The following PRTG variants were observed in gnomAD, a reference collection of about 807,000 sequenced individuals.
PRTG encodes the protein protogenin.
A neutral mutation model predicts 122.5 loss-of-function variants in PRTG; 67 were observed. The observed-to-expected ratio is 0.55, with a 90% CI of 0.45 to 0.67. The LOEUF (loss-of-function observed/expected upper bound fraction) is 0.67. PRTG is among the 30% of genes least tolerant of loss of function. The pLI, the probability that PRTG is intolerant of heterozygous loss-of-function variation, is 0.00. For synonymous variants in PRTG, 554 were observed against 501.1 expected, an observed-to-expected ratio of 1.11 and a Z score of -1.41; for missense variants, 1,435 against 1,415.4, an observed-to-expected ratio of 1.01 and a Z score of -0.22.
chr15:55,693,246 C>T (rs2059614350), intron 2 of PRTG, among the ~76,000 whole-genome samples: 1 of 152,086 alleles, frequency 6.6e-6, no homozygotes, highest in Admixed American at 6.5e-5. Flanking sequence ...CACCTGAGAT[C>T]GGGTGGTCGG....
At chr15:55,657,558 G>A (rs2059387198) in intron 11 of PRTG, among the ~76,000 whole-genome samples, 1 of 152,068 alleles carries the variant, frequency 6.6e-6, no homozygotes, top group African/African-American at 2.4e-5. Context: ...GTTCCATAGA[G>A]ATTCTTCAAC....
rs1432314057 is a variant in PRTG at position 55,683,943 on chromosome 15, A to C, written c.398-12T>G. 1 of 1,609,382 alleles carries C rather than the reference A, an allele frequency of 6.2e-7. No homozygotes were observed. The highest frequency in any genetic ancestry group is 1.3e-5 in the African/African-American group (1 of 74,764). On this transcript the variant is annotated splice_polypyrimidine_tract_variant and intron_variant, in intron 2 of 19. Transcript: ENST00000389286. ...AAATGCAGAAATAGCTATAAGATAA[A>C]GTTTGAGAAATTCAGAATAAGTGCA...
chr15:55,697,004 T>C (rs1276690069), intron 2 of PRTG, among the ~76,000 whole-genome samples: 1 of 152,190 alleles, frequency 6.6e-6, no homozygotes, highest in East Asian at 1.9e-4. Flanking sequence ...CTATAGTGCA[T>C]TCATATTTTA....
At chr15:55,682,735 G>C (rs911681463) in intron 3 of PRTG, among the ~76,000 whole-genome samples, 112 of 151,928 alleles carry the variant, frequency 7.4e-4, no homozygotes, top group African/African-American at 2.5e-3. Flanking sequence ...GCTGATTTCT[G>C]TATTTTTAGT....
At chr15:55,644,114 C>G (rs1254491852) in intron 11 of PRTG, among the ~76,000 whole-genome samples, 2 of 152,166 alleles carry the variant, frequency 1.3e-5, no homozygotes, top group African/African-American at 4.8e-5. Context: ...GCTGGGATTA[C>G]AGGTGTGAGC....
intron 2 of PRTG, among the ~76,000 whole-genome samples, chr15:55,717,783 A>G (rs2030653090): frequency 6.6e-6 from 1 of 152,248 alleles, no homozygotes; most frequent in Non-Finnish European, 1.5e-5. Context: ...AGTTAACTTT[A>G]AATTTTTCTT....
At chr15:55,622,216 G>GTTTTTT (rs35973280) in intron 18 of PRTG, among the ~76,000 whole-genome samples, 41 of 113,436 alleles carry the variant, frequency 3.6e-4, no homozygotes, top group African/African-American at 1.0e-3. Context: ...ATTAGTACTT[G>GTTTTTT]TTTTTTTTTT....
At chr15:55,620,501 A>G (rs1196953546) in intron 19 of PRTG, among the ~76,000 whole-genome samples, 162 bp downstream of exon 19, 1 of 151,502 alleles carries the variant, frequency 6.6e-6, no homozygotes, top group African/African-American at 2.4e-5. Flanking sequence ...TTCTGTTATC[A>G]TTCACCTCGC....
chr15:55,683,184 GCTT>G (rs1356375994), intron 3 of PRTG, among the ~76,000 whole-genome samples: 1 of 150,302 alleles, frequency 6.7e-6, no homozygotes, highest in Admixed American at 6.6e-5. Flanking sequence ...ATGTAGATAT[GCTT>G]TTTTTTTTTA....
rs148290604 is a variant in PRTG, at chr15:55,728,108, C to T, written c.397+12274G>A. On this transcript the variant is annotated intron_variant, in intron 2 of 19. Coordinates refer to ENST00000389286, the MANE Select transcript of PRTG (RefSeq NM_173814.6). ...CTCAAACTTCTGAGCTCAGGCAATC[C>T]GCCCACCTCGGCCTCCCAAAGTGCT... is the stretch of plus-strand genomic sequence containing the variant. Among the ~76,000 whole-genome samples the T allele has an allele frequency of 2.8e-3, 422 of 152,170 alleles. 2 individuals are homozygous for T. The highest frequency in any genetic ancestry group is 9.4e-3 in the African/African-American group (392 of 41,526).
At chr15:55,641,367 C>A in intron 11 of PRTG, among the ~76,000 whole-genome samples, 159 bp from the exon 12 acceptor site, 1 of 152,224 alleles carries the variant, frequency 6.6e-6, no homozygotes, top group East Asian at 1.9e-4. Context: ...AATCCACCTT[C>A]GTATGACACT....
intron 11 of PRTG, among the ~76,000 whole-genome samples, chr15:55,666,667 AT>A (rs1175586241): frequency 6.6e-6 from 1 of 152,204 alleles, no homozygotes; most frequent in Non-Finnish European, 1.5e-5. Context: ...TTGAAAAAAT[AT>A]TTTTAAAACA....
chr15:55,669,447 G>C (rs902908026), intron 11 of PRTG, among the ~76,000 whole-genome samples: 3 of 152,206 alleles, frequency 2.0e-5, no homozygotes, highest in African/African-American at 7.2e-5. Flanking sequence ...GCTACTGCCA[G>C]ATGCTCTCAC....
chr15:55,618,661 C>A lies in PRTG; in HGVS notation c.*1351G>T, dbSNP rs988721949. ...GAAGATTAAGTAGATACCATATTCTCTAAAGAATTCAAGAAAACACAAGTA... is the reference window on the plus strand; with the variant it reads ...GAAGATTAAGTAGATACCATATTCTATAAAGAATTCAAGAAAACACAAGTA... On this transcript the variant is annotated 3_prime_UTR_variant, in exon 20 of 20. Transcript: ENST00000389286. The A allele has an allele frequency of 6.6e-6, 1 of 152,080 alleles. No individual in the cohort carries two copies. Among genetic ancestry groups the A allele is most frequent in the African/African-American group, 2.4e-5 (1 of 41,410 alleles). The allele number at this position is 152,080 out of a possible 1,614,324, so 9.4% of individuals were successfully genotyped here. A position where few individuals can be genotyped will look rare whatever the true frequency, so the allele number is the denominator to read the frequency against.
chr15:55,659,789 C>T (rs1158354704), intron 11 of PRTG, among the ~76,000 whole-genome samples: 1 of 151,914 alleles, frequency 6.6e-6, no homozygotes, highest in Non-Finnish European at 1.5e-5. Flanking sequence ...CGTAGTGGTG[C>T]ACGCCTGAAG....
intron 2 of PRTG, among the ~76,000 whole-genome samples, chr15:55,684,923 G>C (rs1595649770): frequency 6.6e-6 from 1 of 152,118 alleles, no homozygotes; most frequent in Non-Finnish European, 1.5e-5. Context: ...CAATCTTGAA[G>C]GGTTGGTATT....
chr15:55,661,306 C>T (rs575844917), intron 11 of PRTG, among the ~76,000 whole-genome samples: 5 of 152,268 alleles, frequency 3.3e-5, no homozygotes, highest in South Asian at 4.2e-4. Flanking sequence ...TAACTGACAT[C>T]GGACCCCCTA....
intron 10 of PRTG, 131 bp downstream of exon 10, chr15:55,673,240 A>G (rs2059482906): frequency 2.8e-6 from 2 of 714,920 alleles, no homozygotes; most frequent in Non-Finnish European, 4.5e-6. Context: ...ATTTTTTTCA[A>G]TTAAGTCCAT....
At chr15:55,633,845 A>C (rs905150935) in intron 15 of PRTG, among the ~76,000 whole-genome samples, 3 of 152,208 alleles carry the variant, frequency 2.0e-5, no homozygotes, top group African/African-American at 7.2e-5. Flanking sequence ...ACAAATGACA[A>C]AAGCTTTTCA....
Sources: allele counts gnomAD v4.1 joint callset (sites outside exome capture counted in the v4.1 genomes callset), GRCh38; gene constraint gnomAD v4.1.1; transcripts MANE v1.5; gene names NCBI Gene and HGNC (gene_info 2026-07-23, HGNC 2026-07-21).